Variants in PTPRM observed in about 807,000 individuals in gnomAD.
PTPRM encodes the protein protein tyrosine phosphatase receptor type M, also known as receptor-type tyrosine-protein phosphatase mu.
Under a neutral mutation model 186.7 loss-of-function variants are expected in PTPRM, and 47 were observed. The observed-to-expected ratio is 0.25, with a 90% CI of 0.20 to 0.32. PTPRM has a LOEUF of 0.32. PTPRM is among the 10% of genes least tolerant of loss of function. The probability of loss-of-function intolerance (pLI) is 1.00; values close to 1 mark genes in which losing one functional copy is unlikely to be tolerated. For missense variants in PTPRM, 1,494 were observed against 1,865.0 expected (o/e 0.80, Z 3.66); for synonymous variants, 668 against 674.9 (o/e 0.99, Z 0.16).
At chr18:8,286,811 AT>A (rs2094961709) in intron 19 of PTPRM, among the ~76,000 whole-genome samples, 1 of 152,132 alleles carries the variant, frequency 6.6e-6, no homozygotes, top group African/African-American at 2.4e-5. Context: ...TACGTTCTAA[AT>A]TTTGATCTTT....
chr18:7,658,330 TTATATATATATATATA>T (rs34009975), intron 1 of PTPRM, among the ~76,000 whole-genome samples: 18,021 of 124,460 alleles, frequency 0.14, 2,033 homozygotes, highest in African/African-American at 0.3. Context: ...TAAAGTAAAT[TTATATATATATATATA>T]TATATATATA....
intron 1 of PTPRM, among the ~76,000 whole-genome samples, chr18:7,676,197 T>G (rs1035686117): frequency 5.3e-5 from 8 of 152,302 alleles, no homozygotes; most frequent in Admixed American, 3.3e-4. Flanking sequence ...GGCTTACTCT[T>G]TTAAGTGTTT....
intron 7 of PTPRM, among the ~76,000 whole-genome samples, chr18:7,961,895 A>G (rs1484506131): frequency 6.6e-6 from 1 of 152,222 alleles, no homozygotes; most frequent in Non-Finnish European, 1.5e-5. Flanking sequence ...CTGCCTAGTT[A>G]GAGCTTTTTA....
chr18:7,988,198 C>CA (rs748235667), intron 7 of PTPRM, among the ~76,000 whole-genome samples: 1 of 151,506 alleles, frequency 6.6e-6, no homozygotes, highest in Non-Finnish European at 1.5e-5. Context: ...ATGTTCATTT[C>CA]AAATTCTGAG....
At chr18:8,200,620 C>T (rs2093842583) in intron 14 of PTPRM, among the ~76,000 whole-genome samples, 1 of 152,250 alleles carries the variant, frequency 6.6e-6, no homozygotes, top group South Asian at 2.1e-4. Context: ...TCACTAGTTC[C>T]AGCGGCGACA....
At position 8,376,340 on chromosome 18, in the gene PTPRM, A is replaced by C; in HGVS notation, c.3327-122A>C. ...TTTTGGGAGCACTAAATGCCACTGG[A>C]GTGTACCTTTTAAGAGGTTTAATTT... On this transcript the variant is annotated intron_variant, in intron 25 of 32. Coordinates refer to ENST00000580170, the MANE Select transcript of PTPRM (RefSeq NM_001105244.2). 3 of 1,542,784 alleles carry C rather than the reference A, an allele frequency of 1.9e-6. No individual in the cohort carries two copies. The South Asian group carries it at 3.5e-5, about 18-fold the overall frequency.
rs149714053 is a variant in PTPRM, at chr18:7,823,710, C to T, written c.196+49439C>T. On this transcript the variant is annotated intron_variant, in intron 2 of 32. Coordinates refer to ENST00000580170, the MANE Select transcript of PTPRM (RefSeq NM_001105244.2). ...GAACATCGAACTCCAAGTTCTTTGG[C>T]TTTTGCACTCTTGAACTTAAATCAG... Among the ~76,000 whole-genome samples, 19 of 152,318 alleles carry T rather than the reference C, an allele frequency of 1.2e-4. No individual in the cohort carries two copies. The East Asian group carries it at 3.3e-3, about 26-fold the overall frequency.
intron 7 of PTPRM, among the ~76,000 whole-genome samples, chr18:8,027,323 A>C (rs968830836): frequency 2.6e-5 from 4 of 152,184 alleles, no homozygotes. Context: ...AGTTTCATTC[A>C]ATTTTTACTT....
intron 14 of PTPRM, among the ~76,000 whole-genome samples, chr18:8,230,628 C>T (rs781034369): frequency 3.9e-5 from 6 of 152,142 alleles, no homozygotes; most frequent in East Asian, 3.9e-4. Flanking sequence ...AAGAGTTAAA[C>T]GAATTAATGA....
intron 1 of PTPRM, among the ~76,000 whole-genome samples, chr18:7,669,518 G>C (rs2039170039): frequency 6.6e-6 from 1 of 152,124 alleles, no homozygotes; most frequent in African/African-American, 2.4e-5. Flanking sequence ...CTGGGAGATT[G>C]GGGTCACGGT....
chr18:7,623,137 C>T (rs1203971434), intron 1 of PTPRM, among the ~76,000 whole-genome samples: 1 of 151,982 alleles, frequency 6.6e-6, no homozygotes, highest in Non-Finnish European at 1.5e-5. Context: ...TATTACTCTT[C>T]TTGGCATAAG....
chr18:8,312,027 G>A (rs145913456), intron 20 of PTPRM, among the ~76,000 whole-genome samples: 10 of 152,238 alleles, frequency 6.6e-5, no homozygotes, highest in African/African-American at 1.9e-4. Context: ...GTTCTAATTC[G>A]GTCGGTTGCC....
intron 14 of PTPRM, among the ~76,000 whole-genome samples, chr18:8,185,345 C>A (rs1238419823): frequency 6.6e-6 from 1 of 152,146 alleles, no homozygotes; most frequent in Non-Finnish European, 1.5e-5. Flanking sequence ...CCCCCAGGAG[C>A]CCCACCAGGA....
intron 1 of PTPRM, among the ~76,000 whole-genome samples, chr18:7,648,962 T>C (rs2038631117): frequency 6.6e-6 from 1 of 152,138 alleles, no homozygotes; most frequent in Non-Finnish European, 1.5e-5. Flanking sequence ...TTTCATAAGT[T>C]GAGAGGAGAA....
chr18:8,125,974 TAC>T lies in PTPRM; in HGVS notation c.2167+11149_2167+11150del, dbSNP rs1214601568. 1.5e-3 allele frequency among the ~76,000 whole-genome samples: 126 copies of T among 82,900 alleles called. 1 individual carries two copies. The highest frequency in any genetic ancestry group is 5.6e-3 in the Middle Eastern group (1 of 178). The allele number at this position is 82,900 out of a possible 152,430, so 54.4% of individuals were successfully genotyped here. The stretch of plus-strand genomic sequence containing the variant: ...GTGGAGAATGCTATATGTGTGTGTA[TAC>T]ATATATATATATATATATATATATA... On this transcript the variant is annotated intron_variant, in intron 13 of 32. Coordinates refer to ENST00000580170, the MANE Select transcript of PTPRM (RefSeq NM_001105244.2).
chr18:8,403,352 A>G (rs757731498), intron 32 of PTPRM: 1 of 152,186 alleles, frequency 6.6e-6, no homozygotes, highest in African/African-American at 2.4e-5. Context: ...TTTAGATGGA[A>G]ATAATAGACA....
rs1020566581 is a variant in PTPRM at position 7,968,027 on chromosome 18, A to C, written c.1132+12613A>C. Among the ~76,000 whole-genome samples, 12 of 100,840 alleles carry C rather than the reference A, an allele frequency of 1.2e-4. No individual in the cohort carries two copies. In the Admixed American group the frequency reaches 1.2e-3, roughly 10 times the overall value. The allele number at this position is 100,840 out of a possible 152,430, so 66.2% of individuals were successfully genotyped here. A position where few individuals can be genotyped will look rare whatever the true frequency, so the allele number is the denominator to read the frequency against. On this transcript the variant is annotated intron_variant, in intron 7 of 32. Transcript: ENST00000580170. ...TGTCAGATTCACCAAAGTTGAAATGAAGGAAAAAATGTTAAGGGCAGCCAG... is the reference window on the plus strand; with the variant it reads ...TGTCAGATTCACCAAAGTTGAAATGCAGGAAAAAATGTTAAGGGCAGCCAG...
intron 22 of PTPRM, among the ~76,000 whole-genome samples, chr18:8,338,353 A>G (rs2148220346): frequency 7.6e-6 from 1 of 131,640 alleles, no homozygotes; most frequent in South Asian, 2.7e-4. Context: ...CTATGTCATT[A>G]CATTAAAATT....
chr18:8,281,724 C>T lies in PTPRM; in HGVS notation c.2755-14644C>T, dbSNP rs142271845. On this transcript the variant is annotated intron_variant, in intron 19 of 32. Transcript: ENST00000580170. ...GGTCCACAGACGCATTTGAAGAAGG[C>T]GTCTCCTAACATATCCAGTATTGAT... Among the ~76,000 whole-genome samples the T allele has an allele frequency of 2.6e-5, 4 of 152,174 alleles. No individual in the cohort carries two copies. The East Asian group carries it at 7.7e-4, about 29-fold the overall frequency.
Sources: gnomAD v4.1 joint callset for allele counts (sites outside exome capture counted in the v4.1 genomes callset) on GRCh38, gnomAD v4.1.1 for gene constraint, MANE v1.5 for transcripts, NCBI Gene and HGNC (gene_info 2026-07-23, HGNC 2026-07-21) for gene names.